BTBD10: variants seen among roughly 807,000 people sequenced by gnomAD.
BTBD10 encodes the protein BTB domain containing 10, also known as BTB/POZ domain-containing protein 10.
BTBD10 carries 21 observed loss-of-function variants against 53.2 expected under a neutral mutation model. That is an observed-to-expected ratio of 0.39 (90% CI 0.28 to 0.57). The LOEUF is 0.57. Ranked by LOEUF, BTBD10 falls within the 20% of genes least tolerant of loss-of-function variation. The pLI is 0.53. For missense variants in BTBD10, 360 were observed against 594.7 expected (o/e 0.61, Z 4.10); for synonymous variants, 149 against 192.7 (o/e 0.77, Z 1.88).
chr11:13,400,359 T>C (rs1013917652), intron 8 of BTBD10, among the ~76,000 whole-genome samples: 1 of 152,202 alleles, frequency 6.6e-6, no homozygotes, highest in Admixed American at 6.5e-5. Flanking sequence ...GTGTGGGATA[T>C]AATCTCCTGG....
chr11:13,392,396 G>A (rs1310734004), intron 8 of BTBD10, among the ~76,000 whole-genome samples: 1 of 152,082 alleles, frequency 6.6e-6, no homozygotes, highest in Non-Finnish European at 1.5e-5. Flanking sequence ...CACAGAAGAT[G>A]GTTTAGGAGA....
chr11:13,420,664 T>C (rs1248622563), intron 3 of BTBD10, among the ~76,000 whole-genome samples: 1 of 152,204 alleles, frequency 6.6e-6, no homozygotes, highest in Non-Finnish European at 1.5e-5. Context: ...GAACACTCTG[T>C]ACAGCATTAT....
chr11:13,389,666 G>A (rs912760027), intron 8 of BTBD10, among the ~76,000 whole-genome samples: 1 of 152,134 alleles, frequency 6.6e-6, no homozygotes, highest in Non-Finnish European at 1.5e-5. Context: ...GACCTCAAGT[G>A]ATCTGCCTCG....
At chr11:13,392,510 CTACTCTTTAATAAAGAGTAAATTA>C in intron 8 of BTBD10, among the ~76,000 whole-genome samples, 1 of 152,024 alleles carries the variant, frequency 6.6e-6, no homozygotes, top group East Asian at 1.9e-4. Flanking sequence ...TGAGTAAATT[CTACTCTTTAATAAAGAGTAAATTA>C]TACTCTTTAT....
At chr11:13,398,636 C>G (rs1371857179) in intron 8 of BTBD10, among the ~76,000 whole-genome samples, 1 of 152,134 alleles carries the variant, frequency 6.6e-6, no homozygotes, top group Non-Finnish European at 1.5e-5. Flanking sequence ...TCTTCCTAGC[C>G]TTGATGGTGT....
chr11:13,406,061 C>T (rs1949818441), intron 6 of BTBD10, among the ~76,000 whole-genome samples: 1 of 152,132 alleles, frequency 6.6e-6, no homozygotes, highest in Non-Finnish European at 1.5e-5. Flanking sequence ...GTATTTTTCA[C>T]TATACCATAT....
chr11:13,433,414 A>G (rs1241712451), intron 2 of BTBD10, among the ~76,000 whole-genome samples: 3 of 152,222 alleles, frequency 2.0e-5, no homozygotes, highest in African/African-American at 7.2e-5. Context: ...TCAATAAAGA[A>G]GCAATATTTT....
intron 2 of BTBD10, among the ~76,000 whole-genome samples, chr11:13,442,425 A>G (rs955222151): frequency 2.0e-5 from 3 of 152,156 alleles, no homozygotes; most frequent in Non-Finnish European, 4.4e-5. Flanking sequence ...CAGCTCTGCT[A>G]TTTACAAGTT....
chr11:13,401,117 T>C (rs1295022077), intron 8 of BTBD10, among the ~76,000 whole-genome samples: 2 of 137,864 alleles, frequency 1.5e-5, no homozygotes, highest in Admixed American at 7.9e-5. Flanking sequence ...TGAAATATTA[T>C]ATATCAGATA....
At position 13,389,742 on chromosome 11, in the gene BTBD10, A is replaced by G. The variant is rs1271720725; in HGVS notation, c.1118-601T>C. On this transcript the variant is annotated intron_variant, in intron 8 of 8. Coordinates refer to ENST00000278174, the MANE Select transcript of BTBD10 (RefSeq NM_032320.7). ...CCGGCCTCTAGCTACGTATCCTTAT[A>G]TTCTCGTCACAGGATTACCCGGCCT... Among the ~76,000 whole-genome samples, 6 of 152,190 alleles carry G rather than the reference A, an allele frequency of 3.9e-5. No homozygotes were observed. In the South Asian group the frequency reaches 8.3e-4, roughly 21 times the overall value.
chr11:13,443,432 GT>G (rs1950698639), intron 2 of BTBD10, among the ~76,000 whole-genome samples: 2 of 151,258 alleles, frequency 1.3e-5, no homozygotes, highest in Admixed American at 1.3e-4. Flanking sequence ...TTTCTCCCTT[GT>G]CACCTCTTCA....
intron 8 of BTBD10, among the ~76,000 whole-genome samples, chr11:13,402,217 T>C (rs1949729693): frequency 6.6e-6 from 1 of 152,200 alleles, no homozygotes; most frequent in African/African-American, 2.4e-5. Flanking sequence ...TGGTTATTCT[T>C]CCTATATATC....
At chr11:13,404,894 G>C (rs1271274228) in intron 7 of BTBD10, among the ~76,000 whole-genome samples, 19 of 152,094 alleles carry the variant, frequency 1.2e-4, no homozygotes, top group Non-Finnish European at 2.2e-4. Flanking sequence ...TCAGAGATAA[G>C]GTGTTTTGGT....
chr11:13,399,042 G>A (rs1949639405), intron 8 of BTBD10, among the ~76,000 whole-genome samples: 2 of 152,066 alleles, frequency 1.3e-5, no homozygotes, highest in Non-Finnish European at 2.9e-5. Context: ...TGCTCTTCTC[G>A]AGGAGTATCT....
intron 8 of BTBD10, among the ~76,000 whole-genome samples, chr11:13,398,641 T>TG (rs1402402421): frequency 6.6e-6 from 1 of 152,258 alleles, no homozygotes; most frequent in African/African-American, 2.4e-5. Flanking sequence ...CTAGCCTTGA[T>TG]GGTGTTTACA....
chr11:13,419,051 GT>G (rs1051501201), intron 4 of BTBD10, among the ~76,000 whole-genome samples: 1 of 146,094 alleles, frequency 6.8e-6, no homozygotes, highest in Non-Finnish European at 1.5e-5. Context: ...TACCTATTGG[GT>G]TTTTTTTCCG....
At chr11:13,427,053 C>CA (rs1353962184) in intron 2 of BTBD10, among the ~76,000 whole-genome samples, 4 of 151,994 alleles carry the variant, frequency 2.6e-5, no homozygotes, top group Non-Finnish European at 5.9e-5. Context: ...CTCATCTCTA[C>CA]AAAAAATACA....
intron 5 of BTBD10, among the ~76,000 whole-genome samples, chr11:13,414,844 GAAAAAAAAA>G (rs71041526): frequency 1.2e-5 from 1 of 85,110 alleles, no homozygotes; most frequent in South Asian, 5.5e-4. Context: ...CATCTCAAAC[GAAAAAAAAA>G]AAAAAAAAAA....
In BTBD10 at chr11:13,405,652, T is replaced by A; in HGVS notation, c.1006+7A>T. 1.2e-6 allele frequency: 2 copies of A among 1,612,968 alleles called. No individual in the cohort carries two copies. Among genetic ancestry groups the A allele is most frequent in the South Asian group, 1.1e-5 (1 of 91,030 alleles). ...TCAGGGGAGAGAAAACATGCCAGAG[T>A]ACGTACTTTGTGAATATTCTTCTCC... is the stretch of plus-strand genomic sequence containing the variant. On this transcript the variant is annotated splice_region_variant and intron_variant, in intron 7 of 8. Coordinates refer to ENST00000278174, the MANE Select transcript of BTBD10 (RefSeq NM_032320.7).
Sources: gnomAD v4.1 joint callset for allele counts (sites outside exome capture counted in the v4.1 genomes callset) on GRCh38, gnomAD v4.1.1 for gene constraint, MANE v1.5 for transcripts, NCBI Gene and HGNC (gene_info 2026-07-23, HGNC 2026-07-21) for gene names.